The following RPH3A variants were observed in gnomAD, a reference collection of about 807,000 sequenced individuals.
RPH3A encodes the protein rabphilin-3A.
RPH3A carries 48 observed loss-of-function variants against 102.2 expected under a neutral mutation model. That is an observed-to-expected ratio of 0.47 (90% CI 0.37 to 0.60). The LOEUF (loss-of-function observed/expected upper bound fraction) is 0.60. Among genes scored for constraint, RPH3A ranks in the 20% least tolerant of loss-of-function variants. The pLI is 0.00. For missense variants in RPH3A, 781 were observed against 910.1 expected (o/e 0.86, Z 1.83); for synonymous variants, 310 against 324.3 (o/e 0.96, Z 0.47).
intron 4 of RPH3A, among the ~76,000 whole-genome samples, chr12:112,838,590 A>G (rs1017625701): frequency 2.0e-5 from 3 of 152,260 alleles, no homozygotes; most frequent in Non-Finnish European, 4.4e-5. Flanking sequence ...AAGAAGAAAG[A>G]AAAGAAAAAG....
At chr12:112,682,986 A>T (rs1013103617) in intron 1 of RPH3A, among the ~76,000 whole-genome samples, 1 of 152,030 alleles carries the variant, frequency 6.6e-6, no homozygotes, top group Admixed American at 6.5e-5. Context: ...AAACTTGCAA[A>T]TCTCTTTGGT....
At chr12:112,658,381 T>G (rs942465886) in intron 1 of RPH3A, among the ~76,000 whole-genome samples, 4 of 152,292 alleles carry the variant, frequency 2.6e-5, no homozygotes, top group African/African-American at 9.6e-5. Context: ...TTTGTCATGT[T>G]GGCCAGGCTG....
At chr12:112,714,938 T>G (rs1463293585) in intron 1 of RPH3A, among the ~76,000 whole-genome samples, 1 of 152,174 alleles carries the variant, frequency 6.6e-6, no homozygotes, top group Non-Finnish European at 1.5e-5. Context: ...ATTACTTCCC[T>G]TTTCTTCTCT....
At chr12:112,817,331 A>G (rs1006222507) in intron 2 of RPH3A, among the ~76,000 whole-genome samples, 2 of 151,718 alleles carry the variant, frequency 1.3e-5, no homozygotes, top group African/African-American at 4.8e-5. Context: ...TTTCATGTCC[A>G]TTGCAGCCTC....
intron 2 of RPH3A, among the ~76,000 whole-genome samples, chr12:112,796,024 CT>C (rs1418646338): frequency 6.6e-6 from 1 of 152,158 alleles, no homozygotes; most frequent in Non-Finnish European, 1.5e-5. Context: ...GAGACAGGAG[CT>C]GCCAGCCCCT....
At position 112,689,183 on chromosome 12, in the gene RPH3A, A is replaced by G. The variant is rs532031908; in HGVS notation, c.-139-102960A>G. On this transcript the variant is annotated intron_variant, in intron 1 of 21. Coordinates refer to the RPH3A transcript ENST00000543106. ...GTAACCTGAATGACTAAAGTGATCC[A>G]TGTGTAAGAAGGTAAATGGCCATCA... Among the ~76,000 whole-genome samples the G allele has an allele frequency of 5.3e-5, 8 of 152,316 alleles. No individual in the cohort carries two copies. In the South Asian group the frequency reaches 1.7e-3, roughly 32 times the overall value.
chr12:112,862,484 G>A (rs1390643096), intron 5 of RPH3A, among the ~76,000 whole-genome samples: 1 of 152,194 alleles, frequency 6.6e-6, no homozygotes, highest in Admixed American at 6.5e-5. Context: ...CATAGTAAGT[G>A]CTCAGTAAAC....
At chr12:112,860,450 G>A (rs1034006189) in intron 5 of RPH3A, among the ~76,000 whole-genome samples, 1 of 152,200 alleles carries the variant, frequency 6.6e-6, no homozygotes, top group Non-Finnish European at 1.5e-5. Context: ...TGTTCATGAG[G>A]CCTTTTGGCG....
At chr12:112,672,075 T>G (rs1471970320) in intron 1 of RPH3A, among the ~76,000 whole-genome samples, 1 of 151,470 alleles carries the variant, frequency 6.6e-6, no homozygotes, top group African/African-American at 2.4e-5. Flanking sequence ...AGATTGAGAT[T>G]TTAATGAACT....
rs561636914 is a variant in RPH3A, at chr12:112,636,007, T to A, written c.-140+60688T>A. On this transcript the variant is annotated intron_variant, in intron 1 of 21. Transcript: ENST00000543106. ...TGTAGGTAATATGGATTCACAAACATTTAATAAAAAAAAATCAGTGTCTTA... is the reference window on the plus strand; with the variant it reads ...TGTAGGTAATATGGATTCACAAACAATTAATAAAAAAAAATCAGTGTCTTA... Among the ~76,000 whole-genome samples, 29 of 150,510 alleles carry A rather than the reference T, an allele frequency of 1.9e-4. No individual in the cohort carries two copies. The East Asian group carries it at 5.2e-3, about 27-fold the overall frequency.
At chr12:112,869,692 C>T in intron 8 of RPH3A, 67 bp from the exon 9 acceptor site, 1 of 1,520,780 alleles carries the variant, frequency 6.6e-7, no homozygotes, top group Non-Finnish European at 9.1e-7. Context: ...TTGTAGGCTT[C>T]TTAAGTACCG....
chr12:112,867,546 A>G (rs113601586), intron 7 of RPH3A, among the ~76,000 whole-genome samples: 3,181 of 152,296 alleles, frequency 0.021, 124 homozygotes, highest in African/African-American at 0.071. Flanking sequence ...TCCGGGCAGA[A>G]CTAAGAGGAA....
At chr12:112,825,275 A>G (rs1055272011) in intron 2 of RPH3A, among the ~76,000 whole-genome samples, 2 of 152,222 alleles carry the variant, frequency 1.3e-5, no homozygotes, top group East Asian at 1.9e-4. Flanking sequence ...ATGGGAGCAG[A>G]TGAAATAGCT....
intron 1 of RPH3A, among the ~76,000 whole-genome samples, chr12:112,698,908 C>T (rs2040372481): frequency 1.4e-5 from 2 of 138,724 alleles, no homozygotes; most frequent in East Asian, 5.0e-4. Flanking sequence ...CCTTCCTCCT[C>T]CCCCTCCTCC....
chr12:112,717,165 T>G (rs1180343324), intron 1 of RPH3A, among the ~76,000 whole-genome samples: 1 of 152,234 alleles, frequency 6.6e-6, no homozygotes, highest in Non-Finnish European at 1.5e-5. Context: ...TTGTTTAGTT[T>G]TTATTTATTT....
intron 1 of RPH3A, among the ~76,000 whole-genome samples, chr12:112,632,706 A>G (rs1371752422): frequency 1.3e-5 from 2 of 152,090 alleles, no homozygotes; most frequent in Non-Finnish European, 2.9e-5. Flanking sequence ...ATGCCTGGAG[A>G]CAATTTTGAT....
intron 1 of RPH3A, among the ~76,000 whole-genome samples, chr12:112,678,303 A>AGCGAGAGAGAGAGAGAG (rs1555283198): frequency 2.0e-5 from 1 of 50,138 alleles, no homozygotes; most frequent in Non-Finnish European, 4.4e-5. Flanking sequence ...GAAAGAAAGA[A>AGCGAGAGAGAGAGAGAG]AGAGAGAGAG....
At chr12:112,592,814 A>T (rs2039489178) in intron 1 of RPH3A, among the ~76,000 whole-genome samples, 1 of 152,154 alleles carries the variant, frequency 6.6e-6, no homozygotes, top group African/African-American at 2.4e-5. Flanking sequence ...CTTGTAGTTA[A>T]GCGGGGCCAC....
intron 4 of RPH3A, among the ~76,000 whole-genome samples, chr12:112,843,464 C>G (rs73427063): frequency 1.3e-5 from 2 of 152,192 alleles, no homozygotes; most frequent in African/African-American, 2.4e-5. Flanking sequence ...CTGCAGTCTG[C>G]AGATGGAGGC....
Sources: gnomAD v4.1 joint callset for allele counts (sites outside exome capture counted in the v4.1 genomes callset) on GRCh38, gnomAD v4.1.1 for gene constraint, MANE v1.5 for transcripts, NCBI Gene and HGNC (gene_info 2026-07-23, HGNC 2026-07-21) for gene names.